EFCAB3: variants seen among roughly 807,000 people sequenced by gnomAD.
EFCAB3 encodes EF-hand calcium binding domain 3, also known as EF-hand calcium-binding domain-containing protein 3.
A neutral mutation model predicts 42.2 loss-of-function variants in EFCAB3; 36 were observed. The ratio of observed to expected loss-of-function variants is 0.85; its 90% CI spans 0.65 to 1.13. The LOEUF is 1.13. EFCAB3 is among the 50% of genes most tolerant of loss of function. The pLI, the probability that EFCAB3 is intolerant of heterozygous loss-of-function variation, is 0.00. For synonymous variants in EFCAB3, 170 were observed against 172.8 expected, an observed-to-expected ratio of 0.98 and a Z score of 0.13; for missense variants, 418 against 505.1, an observed-to-expected ratio of 0.83 and a Z score of 1.65.
chr17:62,376,576 A>C (rs2144048173), upstream of EFCAB3, among the ~76,000 whole-genome samples: 1 of 152,334 alleles, frequency 6.6e-6, no homozygotes, highest in Middle Eastern at 3.4e-3. Context: ...TTAAGTCTTC[A>C]CACTCAAATT....
At chr17:62,372,380 C>A (rs1218130469) in intron 1 of EFCAB3, among the ~76,000 whole-genome samples, 1 of 152,124 alleles carries the variant, frequency 6.6e-6, no homozygotes, top group East Asian at 1.9e-4. Context: ...CTCCTGGGTT[C>A]AAGCTGTCCT....
In EFCAB3 at chr17:62,416,247, C is replaced by T. The variant is rs1011947148; in HGVS notation, c.1235C>T (p.Ser412Phe). ...NRNSSHNSRS[S>F]SSSDTSECYT... ...AATTCCTCCCATAACTCCAGATCCT[C>T]TTCCTCATCAGATACCAGTGAATGT... Residue 412 changes from serine to phenylalanine, a missense_variant, in exon 10 of 10, where the codon TCT (serine) becomes TTT (phenylalanine). Coordinates refer to ENST00000305286, the MANE Select transcript of EFCAB3 (RefSeq NM_173503.4). 6.2e-7 allele frequency: 1 copy of T among 1,613,950 alleles called. No individual in the cohort carries two copies.
At chr17:62,390,847 A>C (rs924680359) in intron 3 of EFCAB3, among the ~76,000 whole-genome samples, 12 of 152,160 alleles carry the variant, frequency 7.9e-5, no homozygotes, top group Admixed American at 2.6e-4. Context: ...ATATGAAGTA[A>C]GTTTTATTCG....
rs758345065 is a variant in EFCAB3, at chr17:62,391,904, G to A, written c.234G>A (p.Lys78=). Residue 78 remains lysine, a synonymous_variant, in exon 4 of 10, where the codon AAG becomes AAA. Transcript: ENST00000305286. ...DFHGLMCTVA[K]LGMNLTKHDV... Reference sequence around the variant, plus strand: ...ATGGACTGATGTGCACTGTAGCTAAGCTGGGAATGAATCTGACCAAGCATG... The same window carrying A: ...ATGGACTGATGTGCACTGTAGCTAAACTGGGAATGAATCTGACCAAGCATG... 1.2e-6 allele frequency: 2 copies of A among 1,613,578 alleles called. No homozygotes were observed. The highest frequency in any genetic ancestry group is 1.3e-5 in the African/African-American group (1 of 74,898).
In EFCAB3 at chr17:62,407,917, T is replaced by A. The variant is rs975744076; in HGVS notation, c.867+705T>A. Among the ~76,000 whole-genome samples the A allele has an allele frequency of 3.3e-5, 5 of 152,070 alleles. No individual in the cohort carries two copies. In the South Asian group the frequency reaches 1.0e-3, roughly 31 times the overall value. ...TGTGTTGTTCACATCACTATACAAT[T>A]CCTAGAAGGCCCCTCCCCACATAGA... On this transcript the variant is annotated intron_variant, in intron 8 of 9. Transcript: ENST00000305286.
At chr17:62,380,761 A>C (rs72845557) in intron 1 of EFCAB3, 148 bp downstream of exon 1, 29,174 of 267,942 alleles carry the variant, frequency 0.11, 1,880 homozygotes, top group South Asian at 0.24. Context: ...TGAATTGTTG[A>C]GCCATTCTGG....
chr17:62,406,995 T>A, intron 7 of EFCAB3, 33 bp from the exon 8 acceptor site: 1 of 1,555,812 alleles, frequency 6.4e-7, no homozygotes, highest in Non-Finnish European at 8.7e-7. Context: ...TCTTACATTG[T>A]TTGTGATACC....
At chr17:62,395,456 T>A (rs2070341245) in intron 6 of EFCAB3, among the ~76,000 whole-genome samples, 2 of 152,146 alleles carry the variant, frequency 1.3e-5, no homozygotes, top group South Asian at 4.2e-4. Context: ...AATTTTAGCC[T>A]CCTCTATCTC....
chr17:62,394,918 G>T (rs559210742), intron 5 of EFCAB3, 150 bp from the exon 6 acceptor site: 2 of 929,406 alleles, frequency 2.2e-6, no homozygotes, highest in African/African-American at 1.7e-5. Flanking sequence ...ACCCAAAATG[G>T]CCTTTCTACC....
chr17:62,395,027 A>G (rs902769756), intron 5 of EFCAB3, 41 bp from the exon 6 acceptor site: 1 of 1,606,682 alleles, frequency 6.2e-7, no homozygotes, highest in African/African-American at 1.3e-5. Context: ...TTCTTATTTC[A>G]GAAGGTATTT....
upstream of EFCAB3, among the ~76,000 whole-genome samples, chr17:62,376,976 G>A (rs2070155655): frequency 6.6e-6 from 1 of 152,180 alleles, no homozygotes; most frequent in African/African-American, 2.4e-5. Flanking sequence ...GCCACGTGCA[G>A]TGTCTAAGAA....
chr17:62,413,755 C>T lies in EFCAB3; in HGVS notation c.891C>T (p.Asp297=), dbSNP rs1307671260. The T allele has an allele frequency of 6.8e-6, 11 of 1,612,444 alleles. No individual in the cohort carries two copies. Among genetic ancestry groups the T allele is most frequent in the African/African-American group, 1.3e-5 (1 of 74,874 alleles). Residue 297 remains aspartate, a synonymous_variant, in exon 9 of 10, where the codon GAC becomes GAT. Coordinates refer to ENST00000305286, the MANE Select transcript of EFCAB3 (RefSeq NM_173503.4). ...KTQAANIKSM[D]PASGYSNNIF... ...AGGCAGCAAATATAAAGTCTATGGA[C>T]CCTGCCTCAGGTTATTCAAATAACA...
At chr17:62,382,591 T>A (rs769809383) in intron 1 of EFCAB3, among the ~76,000 whole-genome samples, 2 of 152,216 alleles carry the variant, frequency 1.3e-5, no homozygotes, top group Non-Finnish European at 2.9e-5. Flanking sequence ...ATCTCCTTCC[T>A]CAACCACCAT....
chr17:62,370,373 G>T, intron 1 of EFCAB3: 2 of 1,537,450 alleles, frequency 1.3e-6, no homozygotes, highest in East Asian at 4.9e-5. Context: ...TGTATTTTTG[G>T]GCTGGGCATG....
chr17:62,386,307 T>C (rs1288720172), intron 2 of EFCAB3, among the ~76,000 whole-genome samples: 1 of 152,190 alleles, frequency 6.6e-6, no homozygotes, highest in East Asian at 1.9e-4. Flanking sequence ...TATTAATATG[T>C]TCCTGCCTTT....
Position 62,407,149 on chromosome 17 carries a change from A to G in EFCAB3, c.804A>G (p.Arg268=). 1 of 1,610,374 alleles carries G rather than the reference A, an allele frequency of 6.2e-7. No individual in the cohort carries two copies. The highest frequency in any genetic ancestry group is 8.5e-7 in the Non-Finnish European group (1 of 1,178,922). The change falls in exon 8 of 10, where the codon AGA becomes AGG. Residue 268 remains arginine, a synonymous_variant. Transcript: ENST00000305286. ...FKDMQKLEML[R]IKEPLHFFED... Reference sequence around the variant, plus strand: ...ACATGCAGAAATTAGAGATGCTAAGAATAAAGGAGCCTTTGCATTTCTTTG... The same window carrying G: ...ACATGCAGAAATTAGAGATGCTAAGGATAAAGGAGCCTTTGCATTTCTTTG...
intron 6 of EFCAB3, among the ~76,000 whole-genome samples, chr17:62,403,130 A>G (rs2070418617): frequency 6.6e-6 from 1 of 152,018 alleles, no homozygotes; most frequent in Admixed American, 6.6e-5. Flanking sequence ...GTCCACACAT[A>G]CTTCTATAGT....
intron 3 of EFCAB3, among the ~76,000 whole-genome samples, chr17:62,387,917 T>G (rs1013524346): frequency 6.6e-6 from 1 of 152,080 alleles, no homozygotes; most frequent in Admixed American, 6.6e-5. Context: ...TGTTAAACCA[T>G]GAACTTGCCA....
chr17:62,398,025 CAAAAAAAA>C, intron 6 of EFCAB3: 4 of 91,332 alleles, frequency 4.4e-5, no homozygotes, highest in South Asian at 4.6e-4. Flanking sequence ...GACTCCATCT[CAAAAAAAA>C]AAAAAAAAAA....
Sources: allele counts gnomAD v4.1 joint callset (sites outside exome capture counted in the v4.1 genomes callset), GRCh38; gene constraint gnomAD v4.1.1; transcripts MANE v1.5; gene names NCBI Gene and HGNC (gene_info 2026-07-23, HGNC 2026-07-21).